The following PGAP1 variants were observed in gnomAD, a reference collection of about 807,000 sequenced individuals.
PGAP1 encodes the protein post-GPI attachment to proteins inositol deacylase 1.
PGAP1 carries 76 observed loss-of-function variants against 127.0 expected under a neutral mutation model. The ratio of observed to expected loss-of-function variants is 0.60; its 90% confidence interval spans 0.50 to 0.72. The LOEUF (loss-of-function observed/expected upper bound fraction) is 0.72, where lower values mean the gene tolerates loss of function less well. Ranked by LOEUF, PGAP1 falls within the 30% of genes least tolerant of loss-of-function variation. The pLI is 0.00. For synonymous variants in PGAP1, 362 were observed against 366.5 expected (o/e 0.99, Z 0.14); for missense variants, 982 against 1,071.3 (o/e 0.92, Z 1.16).
In PGAP1 at chr2:196,839,241, C is replaced by T. The variant is rs1700334329; in HGVS notation, c.*1993G>A. On this transcript the variant is annotated 3_prime_UTR_variant, in exon 27 of 27. Transcript: ENST00000354764. ...CTGTATATGGAACTAAGTCCAAATT[C>T]AGAAATAGTTTAAGGACACATGTAA... 1 of 152,478 alleles carries T rather than the reference C, an allele frequency of 6.6e-6. No individual in the cohort carries two copies. Among genetic ancestry groups the T allele is most frequent in the Non-Finnish European group, 1.5e-5 (1 of 68,014 alleles). The allele number at this position is 152,478 out of a possible 1,614,324, so 9.4% of individuals were successfully genotyped here.
At chr2:196,891,054 G>A (rs1702084297) in intron 9 of PGAP1, 143 bp from the exon 10 acceptor site, 1 of 556,262 alleles carries the variant, frequency 1.8e-6, no homozygotes, top group South Asian at 2.6e-5. Flanking sequence ...AGGAGTGGGA[G>A]AAGGAAGATA....
intron 1 of PGAP1, among the ~76,000 whole-genome samples, chr2:196,923,969 T>C (rs1219763933): frequency 6.6e-6 from 1 of 152,226 alleles, no homozygotes; most frequent in Non-Finnish European, 1.5e-5. Flanking sequence ...GCTGTCGTAA[T>C]AGGGCAAGAA....
At chr2:196,926,329 C>A in intron 1 of PGAP1, 141 bp downstream of exon 1, 1 of 1,305,740 alleles carries the variant, frequency 7.7e-7, no homozygotes. Flanking sequence ...AGAGTCTCCC[C>A]GGGCGGAGAA....
intron 19 of PGAP1, among the ~76,000 whole-genome samples, chr2:196,865,823 A>C (rs981284218): frequency 6.6e-6 from 1 of 152,168 alleles, no homozygotes; most frequent in Non-Finnish European, 1.5e-5. Context: ...ATTCCTATAC[A>C]CCAGTAACAG....
chr2:196,860,670 G>C (rs1484158514), intron 20 of PGAP1, among the ~76,000 whole-genome samples: 1 of 152,090 alleles, frequency 6.6e-6, no homozygotes. Flanking sequence ...ACACCAATGA[G>C]AGAAACTGAA....
At chr2:196,854,064 A>AT (rs1700799252) in intron 20 of PGAP1, among the ~76,000 whole-genome samples, 2 of 151,522 alleles carry the variant, frequency 1.3e-5, no homozygotes, top group African/African-American at 4.8e-5. Context: ...ATGGCTAATT[A>AT]TTTTTTATTT....
At chr2:196,925,900 G>A (rs1289147946) in intron 1 of PGAP1, among the ~76,000 whole-genome samples, 1 of 152,036 alleles carries the variant, frequency 6.6e-6, no homozygotes, top group Non-Finnish European at 1.5e-5. Context: ...TTACCCATAG[G>A]CAAAACCCTG....
Position 196,839,506 on chromosome 2 carries a change from C to T in PGAP1, c.*1728G>A, listed in dbSNP as rs1331788544. 6.6e-6 allele frequency: 1 copy of T among 152,210 alleles called. No individual in the cohort carries two copies. The highest frequency in any genetic ancestry group is 1.9e-4 in the East Asian group (1 of 5,198). 9.4% of individuals were successfully genotyped at this position (152,210 alleles called of 1,614,324 possible). A position where few individuals can be genotyped will look rare whatever the true frequency, so the allele number is the denominator to read the frequency against. On this transcript the variant is annotated 3_prime_UTR_variant, in exon 27 of 27. Coordinates refer to ENST00000354764, the MANE Select transcript of PGAP1 (RefSeq NM_024989.4). ...TTCTCTCAAACAAACAAGCACCTGT[C>T]TGCCATATCCCCACCACGAGTTTAT...
intron 19 of PGAP1, among the ~76,000 whole-genome samples, chr2:196,869,203 C>G (rs1047265180): frequency 2.6e-5 from 4 of 152,130 alleles, no homozygotes; most frequent in African/African-American, 9.7e-5. Context: ...TGTTACTAAA[C>G]TGAATTATGA....
At chr2:196,880,232 TCTTA>T (rs1268333831) in intron 12 of PGAP1, 79 bp from the exon 13 acceptor site, 8 of 876,340 alleles carry the variant, frequency 9.1e-6, no homozygotes, top group African/African-American at 2.0e-5. Context: ...AACACTTATT[TCTTA>T]CTTAATTCGT....
intron 20 of PGAP1, among the ~76,000 whole-genome samples, chr2:196,854,164 TCAGA>T (rs1005598032): frequency 2.0e-5 from 3 of 152,080 alleles, no homozygotes; most frequent in Admixed American, 1.3e-4. Context: ...CCTAAAGTGC[TCAGA>T]GAACAGGCAT....
chr2:196,879,273 C>T (rs1701654981), intron 13 of PGAP1, among the ~76,000 whole-genome samples: 1 of 152,108 alleles, frequency 6.6e-6, no homozygotes, highest in African/African-American at 2.4e-5. Flanking sequence ...ATTATAATGC[C>T]ATTCTTTTTA....
chr2:196,846,969 G>A, intron 22 of PGAP1, 34 bp downstream of exon 22: 1 of 1,507,236 alleles, frequency 6.6e-7, no homozygotes, highest in Non-Finnish European at 9.1e-7. Context: ...TCTTCTTAAA[G>A]CAATAAGAAA....
intron 6 of PGAP1, among the ~76,000 whole-genome samples, chr2:196,897,669 C>T (rs1210992112): frequency 1.3e-5 from 2 of 152,204 alleles, no homozygotes; most frequent in Non-Finnish European, 2.9e-5. Context: ...AGAATAGTCA[C>T]TGCCGGTGAT....
chr2:196,861,608 G>C (rs984154385), intron 20 of PGAP1, among the ~76,000 whole-genome samples: 4 of 152,152 alleles, frequency 2.6e-5, no homozygotes, highest in Admixed American at 6.6e-5. Context: ...GGACAAGGCA[G>C]GCAGATCGCC....
At chr2:196,917,443 C>A (rs1342146814) in intron 2 of PGAP1, among the ~76,000 whole-genome samples, 1 of 152,126 alleles carries the variant, frequency 6.6e-6, no homozygotes, top group African/African-American at 2.4e-5. Context: ...TGAAATCTAA[C>A]ATAAGATATT....
chr2:196,894,093 G>A (rs1277875086), intron 7 of PGAP1, among the ~76,000 whole-genome samples: 2 of 152,152 alleles, frequency 1.3e-5, no homozygotes, highest in African/African-American at 2.4e-5. Context: ...CTTACCAGGA[G>A]AATGCTTTAT....
chr2:196,882,973 G>A (rs928207900), intron 12 of PGAP1, among the ~76,000 whole-genome samples: 1 of 152,156 alleles, frequency 6.6e-6, no homozygotes, highest in Admixed American at 6.5e-5. Flanking sequence ...CATTCAGTAT[G>A]ATGTTGGCTG....
chr2:196,834,402 A>C lies in PGAP1; in HGVS notation c.*6832T>G, dbSNP rs1190854489. Reference sequence around the variant, plus strand: ...GATTTGGGGCCAATTTGAGAGGACCACCCATAATAAAATGTACAGTTATAA... The same window carrying C: ...GATTTGGGGCCAATTTGAGAGGACCCCCCATAATAAAATGTACAGTTATAA... On this transcript the variant is annotated 3_prime_UTR_variant, in exon 27 of 27. Transcript: ENST00000354764. The C allele has an allele frequency of 6.6e-6, 1 of 152,458 alleles. No individual in the cohort carries two copies. The highest frequency in any genetic ancestry group is 2.4e-5 in the African/African-American group (1 of 41,442). The allele number at this position is 152,458 out of a possible 1,614,324, so 9.4% of individuals were successfully genotyped here.
Sources: allele counts gnomAD v4.1 joint callset (sites outside exome capture counted in the v4.1 genomes callset), GRCh38; gene constraint gnomAD v4.1.1; transcripts MANE v1.5; gene names NCBI Gene and HGNC (gene_info 2026-07-23, HGNC 2026-07-21).